The following GABBR2 variants were observed in gnomAD, a reference collection of about 807,000 sequenced individuals.
GABBR2 encodes the protein gamma-aminobutyric acid type B receptor subunit 2.
GABBR2 carries 23 observed loss-of-function variants against 105.6 expected under a neutral mutation model. That is an observed-to-expected ratio of 0.22 (90% CI 0.16 to 0.31). GABBR2 has a LOEUF of 0.31. Ranked by LOEUF, GABBR2 falls within the 10% of genes least tolerant of loss-of-function variation. The pLI, the probability that GABBR2 is intolerant of heterozygous loss-of-function variation, is 1.00. For synonymous variants in GABBR2, 478 were observed against 499.7 expected (o/e 0.96, Z 0.58); for missense variants, 734 against 1,245.5 (o/e 0.59, Z 6.18).
At chr9:98,443,613 G>T (rs184797758) in intron 7 of GABBR2, among the ~76,000 whole-genome samples, 2 of 152,192 alleles carry the variant, frequency 1.3e-5, no homozygotes, top group African/African-American at 4.8e-5. Flanking sequence ...ATGCACTGTG[G>T]GACCCCAACA....
intron 2 of GABBR2, among the ~76,000 whole-genome samples, chr9:98,577,021 C>T (rs984862485): frequency 3.2e-5 from 4 of 124,776 alleles, no homozygotes; most frequent in Admixed American, 8.2e-5. Context: ...GATGGACAGA[C>T]GGATGGAAAG....
At chr9:98,520,345 C>CTGCAGGCAGGAATG (rs1554714198) in intron 3 of GABBR2, among the ~76,000 whole-genome samples, 13 of 152,226 alleles carry the variant, frequency 8.5e-5, no homozygotes, top group African/African-American at 3.1e-4. Context: ...GAGAATGCTA[C>CTGCAGGCAGGAATG]TCTATACCTC....
intron 1 of GABBR2, among the ~76,000 whole-genome samples, chr9:98,687,339 C>T (rs897488183): frequency 2.0e-5 from 3 of 151,854 alleles, no homozygotes; most frequent in South Asian, 2.1e-4. Flanking sequence ...GAAGTCAGGC[C>T]AGGGAGATCA....
chr9:98,485,197 T>C (rs984876469), intron 4 of GABBR2, among the ~76,000 whole-genome samples: 8 of 152,104 alleles, frequency 5.3e-5, no homozygotes, highest in African/African-American at 1.9e-4. Context: ...GGTCTAGGGT[T>C]GGAGACCATA....
intron 11 of GABBR2, among the ~76,000 whole-genome samples, chr9:98,382,379 T>C (rs1475741078): frequency 6.6e-6 from 1 of 152,128 alleles, no homozygotes; most frequent in Non-Finnish European, 1.5e-5. Context: ...AGTGGCACGA[T>C]CTCGGCTCAC....
At chr9:98,558,967 A>G (rs1828628923) in intron 2 of GABBR2, among the ~76,000 whole-genome samples, 1 of 152,220 alleles carries the variant, frequency 6.6e-6, no homozygotes, top group Non-Finnish European at 1.5e-5. Context: ...ACTGTTTATT[A>G]AATTGCATGG....
chr9:98,609,590 C>T (rs892619727), intron 1 of GABBR2, among the ~76,000 whole-genome samples: 3 of 152,166 alleles, frequency 2.0e-5, no homozygotes, highest in Non-Finnish European at 4.4e-5. Flanking sequence ...CAATGAGTGG[C>T]AAAACTGGTT....
intron 16 of GABBR2, among the ~76,000 whole-genome samples, 181 bp from the exon 17 acceptor site, chr9:98,299,534 C>T (rs1291944996): frequency 6.6e-6 from 1 of 152,152 alleles, no homozygotes; most frequent in Non-Finnish European, 1.5e-5. Context: ...GCTCTTTGTT[C>T]AAGGAGAAGC....
intron 13 of GABBR2, among the ~76,000 whole-genome samples, chr9:98,329,835 TCTCTC>T (rs781454225): frequency 1.3e-5 from 2 of 151,084 alleles, no homozygotes; most frequent in African/African-American, 4.9e-5. Context: ...TCCCTCCCCA[TCTCTC>T]CTCTCCTCTC....
chr9:98,325,203 A>T (rs7036895), intron 13 of GABBR2, among the ~76,000 whole-genome samples: 3 of 151,836 alleles, frequency 2.0e-5, no homozygotes, highest in Non-Finnish European at 2.9e-5. Flanking sequence ...TTTTGAGCTG[A>T]AATCTATACT....
intron 7 of GABBR2, among the ~76,000 whole-genome samples, chr9:98,449,426 T>C (rs1472555497): frequency 1.3e-5 from 2 of 152,278 alleles, no homozygotes; most frequent in East Asian, 3.9e-4. Flanking sequence ...GCAAATCCAT[T>C]GCTGACAGGT....
At chr9:98,369,672 T>C (rs1213244948) in intron 12 of GABBR2, among the ~76,000 whole-genome samples, 1 of 152,016 alleles carries the variant, frequency 6.6e-6, no homozygotes, top group Non-Finnish European at 1.5e-5. Context: ...GGGAGCAAAA[T>C]GCAGGCTTGG....
rs561321905 is a variant in GABBR2 at position 98,293,899 on chromosome 9, C to T, written c.2546G>A (p.Gly849Glu). 3 of 1,577,614 alleles carry T rather than the reference C, an allele frequency of 1.9e-6. No individual in the cohort carries two copies. Among genetic ancestry groups the T allele is most frequent in the Admixed American group, 1.7e-5 (1 of 59,928 alleles). The change falls in exon 18 of 19, where the codon GGA (glycine) becomes GAA (glutamate). Residue 849 changes from glycine to glutamate, a missense_variant. Coordinates refer to ENST00000259455, the MANE Select transcript of GABBR2 (RefSeq NM_005458.8). Reference sequence around the variant, plus strand: ...GTGATTTTTTAAAATGGCCTTTCCTCCATCTGAATGCAAAACAACAATACC... The same window carrying T: ...GTGATTTTTTAAAATGGCCTTTCCTTCATCTGAATGCAAAACAACAATACC... ...NLGNFTESTD[G>E]GKAILKNHLD... is the part of the protein sequence containing the mutation.
chr9:98,373,586 G>A (rs982290686), intron 11 of GABBR2, among the ~76,000 whole-genome samples: 8 of 152,192 alleles, frequency 5.3e-5, no homozygotes, highest in Non-Finnish European at 1.2e-4. Flanking sequence ...CACACCCAGA[G>A]GGGGTAGCTG....
intron 1 of GABBR2, among the ~76,000 whole-genome samples, chr9:98,658,079 T>G (rs930046271): frequency 6.6e-6 from 1 of 152,232 alleles, no homozygotes; most frequent in Non-Finnish European, 1.5e-5. Context: ...CTAAATACTT[T>G]ACATATATTC....
At chr9:98,606,876 A>G in intron 1 of GABBR2, 3 of 555,342 alleles carry the variant, frequency 5.4e-6, no homozygotes, top group East Asian at 3.3e-5. Context: ...CCACAGCAGC[A>G]CCATGGGAGG....
chr9:98,350,421 T>C (rs912387379), intron 13 of GABBR2, among the ~76,000 whole-genome samples: 1 of 152,122 alleles, frequency 6.6e-6, no homozygotes, highest in Non-Finnish European at 1.5e-5. Context: ...ATCTCATAGG[T>C]TTTGGTATGT....
At chr9:98,506,604 A>G (rs16916631) in intron 3 of GABBR2, among the ~76,000 whole-genome samples, 5,849 of 152,300 alleles carry the variant, frequency 0.038, 394 homozygotes, top group African/African-American at 0.13. Context: ...CAGGGCCCCA[A>G]TGAAGGAAGA....
intron 13 of GABBR2, among the ~76,000 whole-genome samples, chr9:98,313,948 T>C (rs1830676106): frequency 6.6e-6 from 1 of 152,146 alleles, no homozygotes; most frequent in Admixed American, 6.5e-5. Context: ...GGGTGGGACC[T>C]GGGGGTTCAG....
Sources: gnomAD v4.1 joint callset for allele counts (sites outside exome capture counted in the v4.1 genomes callset) on GRCh38, gnomAD v4.1.1 for gene constraint, MANE v1.5 for transcripts, NCBI Gene and HGNC (gene_info 2026-07-23, HGNC 2026-07-21) for gene names.